TBC1D19: variants seen among roughly 807,000 people sequenced by gnomAD.
TBC1D19 encodes TBC1 domain family, member 19.
Under a neutral mutation model 89.0 loss-of-function variants are expected in TBC1D19, and 60 were observed. The ratio of observed to expected loss-of-function variants is 0.67; its 90% CI spans 0.55 to 0.84. TBC1D19 has a LOEUF of 0.84. TBC1D19 is among the 40% of genes least tolerant of loss of function. The probability of loss-of-function intolerance (pLI) is 0.00; values close to 1 mark genes in which losing one functional copy is unlikely to be tolerated. For synonymous variants in TBC1D19, 189 were observed against 199.7 expected (o/e 0.95, Z 0.45); for missense variants, 500 against 610.8 (o/e 0.82, Z 1.91).
intron 4 of TBC1D19, among the ~76,000 whole-genome samples, chr4:26,627,700 G>A (rs1280781551): frequency 1.3e-5 from 2 of 152,092 alleles, no homozygotes; most frequent in African/African-American, 2.4e-5. Flanking sequence ...TTTGAGAAGT[G>A]TCTGTTCATG....
intron 16 of TBC1D19, among the ~76,000 whole-genome samples, 185 bp downstream of exon 16, chr4:26,735,672 A>G (rs1302630855): frequency 6.6e-6 from 1 of 152,168 alleles, no homozygotes; most frequent in African/African-American, 2.4e-5. Flanking sequence ...TTTTTATTAC[A>G]CATTAGAAAA....
chr4:26,676,155 T>C (rs1712783889), intron 11 of TBC1D19, among the ~76,000 whole-genome samples: 1 of 152,202 alleles, frequency 6.6e-6, no homozygotes, highest in Admixed American at 6.5e-5. Flanking sequence ...AATAATTTCT[T>C]AGGAAGGTTC....
chr4:26,627,352 G>A (rs1238723880), intron 4 of TBC1D19, among the ~76,000 whole-genome samples: 1 of 152,150 alleles, frequency 6.6e-6, no homozygotes, highest in Admixed American at 6.6e-5. Flanking sequence ...ATAAACATAT[G>A]TGTGCATGTG....
chr4:26,730,927 G>A (rs1385914502), intron 15 of TBC1D19, among the ~76,000 whole-genome samples: 1 of 152,200 alleles, frequency 6.6e-6, no homozygotes, highest in Non-Finnish European at 1.5e-5. Flanking sequence ...TCAGAGTCTT[G>A]GGTACCTTGG....
intron 8 of TBC1D19, among the ~76,000 whole-genome samples, chr4:26,665,151 G>C (rs1711693275): frequency 6.6e-6 from 1 of 152,082 alleles, no homozygotes; most frequent in South Asian, 2.1e-4. Flanking sequence ...CCAGGGGTCT[G>C]CGGTAGATCT....
chr4:26,714,599 T>C (rs1160343013), intron 13 of TBC1D19, among the ~76,000 whole-genome samples: 2 of 152,082 alleles, frequency 1.3e-5, no homozygotes, highest in Non-Finnish European at 2.9e-5. Context: ...CTAAAGCTTA[T>C]AAAATTTGGA....
At chr4:26,664,514 G>T (rs1711606928) in intron 8 of TBC1D19, among the ~76,000 whole-genome samples, 1 of 151,984 alleles carries the variant, frequency 6.6e-6, no homozygotes, top group Admixed American at 6.6e-5. Flanking sequence ...AAATACAAAT[G>T]ATTTCAATTA....
At chr4:26,644,149 A>T (rs1459518137) in intron 7 of TBC1D19, among the ~76,000 whole-genome samples, 1 of 152,206 alleles carries the variant, frequency 6.6e-6, no homozygotes, top group Non-Finnish European at 1.5e-5. Context: ...CAATACCCCG[A>T]TGAACATTGA....
chr4:26,694,410 G>T (rs1714582598), intron 13 of TBC1D19, among the ~76,000 whole-genome samples: 1 of 152,226 alleles, frequency 6.6e-6, no homozygotes, highest in African/African-American at 2.4e-5. Context: ...AGCTCGAACT[G>T]GGTGGAGCGC....
At chr4:26,826,703 A>G in the TBC1D19 span, among the ~76,000 whole-genome samples, 1 of 152,182 alleles carries the variant, frequency 6.6e-6, no homozygotes, top group African/African-American at 2.4e-5. Context: ...GCCTAATGGC[A>G]TTTCAAGGTC....
At chr4:26,647,017 C>A (rs868583591) in intron 7 of TBC1D19, among the ~76,000 whole-genome samples, 3 of 152,114 alleles carry the variant, frequency 2.0e-5, no homozygotes, top group African/African-American at 7.2e-5. Context: ...AAATCTTTTT[C>A]TTTTTTATTC....
intron 7 of TBC1D19, among the ~76,000 whole-genome samples, chr4:26,649,087 T>G (rs1744149831): frequency 6.6e-6 from 1 of 152,096 alleles, no homozygotes. Context: ...GATTCCTTAT[T>G]TATGTAATTA....
chr4:26,740,778 C>G (rs1718318936), intron 17 of TBC1D19: 1 of 985,250 alleles, frequency 1.0e-6, no homozygotes, highest in South Asian at 4.7e-5. Flanking sequence ...CTAAATTTCC[C>G]CAAAGAGGCA....
At chr4:26,627,968 A>G (rs1303317356) in intron 4 of TBC1D19, among the ~76,000 whole-genome samples, 4 of 152,164 alleles carry the variant, frequency 2.6e-5, no homozygotes, top group East Asian at 1.9e-4. Flanking sequence ...GCCCATGCCT[A>G]TGTCCTGAAT....
chr4:26,851,304 C>CCTACCTATCTAT, the TBC1D19 span, among the ~76,000 whole-genome samples: 23 of 147,084 alleles, frequency 1.6e-4, no homozygotes, highest in African/African-American at 5.6e-4. Context: ...TAATAAATAC[C>CCTACCTATCTAT]CTATCTATCT....
intron 13 of TBC1D19, among the ~76,000 whole-genome samples, chr4:26,709,851 G>T (rs1477364216): frequency 5.3e-5 from 8 of 151,986 alleles, no homozygotes; most frequent in African/African-American, 1.9e-4. Context: ...CCACTTTATA[G>T]ATGATTCTTA....
intron 4 of TBC1D19, among the ~76,000 whole-genome samples, chr4:26,635,754 A>G (rs897978240): frequency 3.9e-5 from 6 of 152,164 alleles, no homozygotes; most frequent in African/African-American, 1.4e-4. Flanking sequence ...GTGTTATGAA[A>G]GCCCATAAGC....
the TBC1D19 span, among the ~76,000 whole-genome samples, chr4:26,856,437 T>C: frequency 6.6e-6 from 1 of 152,226 alleles, no homozygotes; most frequent in African/African-American, 2.4e-5. Flanking sequence ...GAAATGAACA[T>C]GAGAGTGCAG....
chr4:26,823,904 T>C, the TBC1D19 span, among the ~76,000 whole-genome samples: 1 of 152,316 alleles, frequency 6.6e-6, no homozygotes, highest in African/African-American at 2.4e-5. Context: ...CTTCCTTCTT[T>C]ATACAGAACC....
Sources: allele counts gnomAD v4.1 joint callset (sites outside exome capture counted in the v4.1 genomes callset), GRCh38; gene constraint gnomAD v4.1.1; transcripts MANE v1.5; gene names NCBI Gene and HGNC (gene_info 2026-07-23, HGNC 2026-07-21).